LYPD6: variants seen among roughly 807,000 people sequenced by gnomAD.
LYPD6 encodes the protein ly6/PLAUR domain-containing protein 6.
A neutral mutation model predicts 22.7 loss-of-function variants in LYPD6; 15 were observed. The ratio of observed to expected loss-of-function variants is 0.66; its 90% CI spans 0.44 to 1.02. The LOEUF is 1.02. LYPD6 is among the 50% of genes least tolerant of loss of function. The pLI is 0.00. For missense variants in LYPD6, 189 were observed against 208.4 expected (o/e 0.91, Z 0.57); for synonymous variants, 72 against 77.5 (o/e 0.93, Z 0.37).
At chr2:149,401,946 G>C (rs896053998) in intron 1 of LYPD6, among the ~76,000 whole-genome samples, 3 of 151,672 alleles carry the variant, frequency 2.0e-5, no homozygotes, top group Non-Finnish European at 4.4e-5. Context: ...CAACATATGA[G>C]TGAGAACATG....
At chr2:149,332,096 T>A (rs1014414394) in intron 1 of LYPD6, among the ~76,000 whole-genome samples, 3 of 152,250 alleles carry the variant, frequency 2.0e-5, no homozygotes, top group African/African-American at 7.2e-5. Context: ...TAATGCACAT[T>A]TATGTTAAAC....
At chr2:149,476,006 G>A (rs1158817264), downstream of LYPD6, among the ~76,000 whole-genome samples, 3 of 152,176 alleles carry the variant, frequency 2.0e-5, no homozygotes, top group Non-Finnish European at 1.5e-5. Flanking sequence ...CACAAAGTTA[G>A]AGTGAGTAGA....
At chr2:149,462,604 T>C (rs184370987) in intron 3 of LYPD6, among the ~76,000 whole-genome samples, 26 of 151,854 alleles carry the variant, frequency 1.7e-4, no homozygotes, top group African/African-American at 6.0e-4. Context: ...CTGGTATAGC[T>C]AAAACGATTT....
chr2:149,378,440 T>C lies in LYPD6; in HGVS notation c.-72+47718T>C, dbSNP rs114159908. Among the ~76,000 whole-genome samples the C allele has an allele frequency of 6.0e-3, 908 of 152,352 alleles. 5 individuals carry two copies. Among genetic ancestry groups the C allele is most frequent in the African/African-American group, 0.021 (871 of 41,580 alleles). On this transcript the variant is annotated intron_variant, in intron 1 of 4. Coordinates refer to ENST00000334166, the MANE Select transcript of LYPD6 (RefSeq NM_194317.5). ...GCCCGATTAAACTTTTTAAGAGGAC[T>C]TGTCCCATCATTTCATGTTAATTCT...
intron 1 of LYPD6, among the ~76,000 whole-genome samples, chr2:149,351,224 C>T (rs1430477922): frequency 1.3e-5 from 2 of 151,746 alleles, no homozygotes; most frequent in African/African-American, 2.4e-5. Context: ...TGAAACCCTG[C>T]GTCTAATAAA....
chr2:149,440,786 C>T (rs547115476), intron 2 of LYPD6, among the ~76,000 whole-genome samples: 5 of 149,888 alleles, frequency 3.3e-5, no homozygotes, highest in African/African-American at 1.2e-4. Context: ...CTGCAAGCTC[C>T]GCCTCCTGGG....
chr2:149,351,225 G>A (rs868586575), intron 1 of LYPD6, among the ~76,000 whole-genome samples: 18 of 151,688 alleles, frequency 1.2e-4, no homozygotes, highest in East Asian at 3.9e-4. Context: ...GAAACCCTGC[G>A]TCTAATAAAA....
chr2:149,422,090 G>GT (rs772215033), intron 1 of LYPD6, among the ~76,000 whole-genome samples: 3 of 152,162 alleles, frequency 2.0e-5, no homozygotes, highest in Non-Finnish European at 4.4e-5. Flanking sequence ...TTCCTGGGCA[G>GT]TGTCTTGACC....
At chr2:149,430,300 A>G (rs571104702) in intron 1 of LYPD6, among the ~76,000 whole-genome samples, 2 of 152,114 alleles carry the variant, frequency 1.3e-5, no homozygotes, top group Non-Finnish European at 2.9e-5. Context: ...GGGTTTTACC[A>G]TGTTGGCCAG....
At chr2:149,362,059 A>G (rs1044233409) in intron 1 of LYPD6, among the ~76,000 whole-genome samples, 4 of 152,186 alleles carry the variant, frequency 2.6e-5, no homozygotes, top group African/African-American at 7.2e-5. Context: ...TAGAGCCTCC[A>G]TAAGGAATGA....
At chr2:149,338,467 A>C (rs1245760744) in intron 1 of LYPD6, among the ~76,000 whole-genome samples, 1 of 152,198 alleles carries the variant, frequency 6.6e-6, no homozygotes, top group Admixed American at 6.5e-5. Context: ...CCCCAATGTA[A>C]TAGTATCAAA....
rs1414682514 is a variant in LYPD6 at position 149,405,766 on chromosome 2, C to T, written c.-71-31872C>T. The stretch of plus-strand genomic sequence containing the variant: ...TGCTCTGATTTTAGTTATTTCTTGC[C>T]TTCTGCTAGCTTTTGAATGTGTTTG... On this transcript the variant is annotated intron_variant, in intron 1 of 4. Transcript: ENST00000334166. 2.0e-5 allele frequency among the ~76,000 whole-genome samples: 3 copies of T among 150,642 alleles called. No homozygotes were observed. In the East Asian group the frequency reaches 5.8e-4, roughly 29 times the overall value.
intron 2 of LYPD6, among the ~76,000 whole-genome samples, chr2:149,442,097 T>A (rs1032228879): frequency 6.6e-6 from 1 of 152,228 alleles, no homozygotes; most frequent in African/African-American, 2.4e-5. Flanking sequence ...TTAAATATTT[T>A]GTTGCCAAGT....
intron 2 of LYPD6, among the ~76,000 whole-genome samples, chr2:149,445,748 A>G (rs1423313782): frequency 1.3e-5 from 2 of 152,184 alleles, no homozygotes; most frequent in South Asian, 2.1e-4. Context: ...GGCTGGTTTG[A>G]TCTTCTATCC....
chr2:149,422,906 G>T (rs867488009), intron 1 of LYPD6, among the ~76,000 whole-genome samples: 4 of 151,988 alleles, frequency 2.6e-5, no homozygotes, highest in Non-Finnish European at 5.9e-5. Flanking sequence ...TGTCCTCTAG[G>T]TTCATCCATG....
chr2:149,422,690 G>C (rs1165376458), intron 1 of LYPD6, among the ~76,000 whole-genome samples: 1 of 152,074 alleles, frequency 6.6e-6, no homozygotes, highest in African/African-American at 2.4e-5. Flanking sequence ...CTGTACAACA[G>C]ATCCCCAGAA....
At chr2:149,442,637 C>T (rs1215452771) in intron 2 of LYPD6, among the ~76,000 whole-genome samples, 19 of 139,514 alleles carry the variant, frequency 1.4e-4, no homozygotes, top group South Asian at 2.2e-4. Context: ...AACCTCTTTC[C>T]GTCCTTTAAA....
At chr2:149,333,854 A>G (rs1410505605) in intron 1 of LYPD6, among the ~76,000 whole-genome samples, 1 of 152,234 alleles carries the variant, frequency 6.6e-6, no homozygotes, top group Non-Finnish European at 1.5e-5. Flanking sequence ...GTAATGATGA[A>G]TGATATGTGT....
At chr2:149,450,509 A>G (rs1281979546) in intron 3 of LYPD6, among the ~76,000 whole-genome samples, 1 of 152,202 alleles carries the variant, frequency 6.6e-6, no homozygotes. Context: ...CTTCTTGTTG[A>G]CTTTTAGGTA....
Sources: allele counts gnomAD v4.1 joint callset (sites outside exome capture counted in the v4.1 genomes callset), GRCh38; gene constraint gnomAD v4.1.1; transcripts MANE v1.5; gene names NCBI Gene and HGNC (gene_info 2026-07-23, HGNC 2026-07-21).